Variants in YY1AP1 observed in about 807,000 individuals in gnomAD.
YY1AP1 encodes YY1 associated protein 1.
A neutral mutation model predicts 39.9 loss-of-function variants in YY1AP1; 43 were observed. The observed-to-expected ratio is 1.08, with a 90% CI of 0.84 to 1.39. YY1AP1 has a LOEUF of 1.39. YY1AP1 is among the 40% of genes most tolerant of loss of function. The pLI, the probability that YY1AP1 is intolerant of heterozygous loss-of-function variation, is 0.00. For missense variants in YY1AP1, 813 were observed against 900.7 expected, an observed-to-expected ratio of 0.90 and a Z score of 1.25; for synonymous variants, 292 against 331.3, an observed-to-expected ratio of 0.88 and a Z score of 1.29.
At chr1:155,670,648 G>T in intron 7 of YY1AP1, 184 bp from the exon 8 acceptor site, 3 of 565,072 alleles carry the variant, frequency 5.3e-6, no homozygotes, top group Non-Finnish European at 6.1e-6. Flanking sequence ...TCTAAAGGGA[G>T]TCCCATTCAC....
chr1:155,677,548 A>G (rs959178494), intron 4 of YY1AP1, among the ~76,000 whole-genome samples: 4 of 152,238 alleles, frequency 2.6e-5, no homozygotes, highest in African/African-American at 9.6e-5. Context: ...TGAAGTAGCT[A>G]TAACAAGCAG....
At chr1:155,678,820 G>A (rs749953947) in intron 4 of YY1AP1, among the ~76,000 whole-genome samples, 6 of 152,092 alleles carry the variant, frequency 3.9e-5, no homozygotes, top group Non-Finnish European at 7.3e-5. Context: ...CTGACCTCTC[G>A]CCATCGACCT....
At chr1:155,675,465 T>A (rs1158448270) in intron 5 of YY1AP1, among the ~76,000 whole-genome samples, 5 of 151,846 alleles carry the variant, frequency 3.3e-5, no homozygotes, top group Non-Finnish European at 7.4e-5. Context: ...GTAGCTGGGA[T>A]TACAGGTGCC....
chr1:155,668,163 G>A lies in YY1AP1; in HGVS notation c.879+464C>T, dbSNP rs568673040. Among the ~76,000 whole-genome samples, 6 of 152,018 alleles carry A rather than the reference G, an allele frequency of 3.9e-5. No homozygotes were observed. The South Asian group carries it at 6.2e-4, about 16-fold the overall frequency. On this transcript the variant is annotated intron_variant, in intron 9 of 10. Transcript: ENST00000355499. ...TAAAAATACAAAAAATTAGCTGAGC[G>A]TGGTGGGCACGCCTGTAATCTCAGC... is the stretch of plus-strand genomic sequence containing the variant.
intron 5 of YY1AP1, among the ~76,000 whole-genome samples, chr1:155,675,992 G>C (rs929660856): frequency 6.6e-6 from 1 of 152,270 alleles, no homozygotes; most frequent in Middle Eastern, 3.4e-3. Context: ...GGGAGGCCGA[G>C]GCGGGTGGAT....
intron 4 of YY1AP1, 129 bp downstream of exon 4, chr1:155,679,280 G>A (rs1479964196): frequency 2.6e-6 from 4 of 1,546,286 alleles, no homozygotes; most frequent in Non-Finnish European, 3.5e-6. Context: ...CTCCTGACAG[G>A]ACTCTGCATC....
rs1647916165 is a variant in YY1AP1, at chr1:155,660,559, G to A, written c.1351C>T (p.Pro451Ser). Reference sequence around the variant, plus strand: ...ACAGTGGCTGGCTGTATTGGGTGAGGAATCCGGAGCACCATTTTGCTCGGA... The same window carrying A: ...ACAGTGGCTGGCTGTATTGGGTGAGAAATCCGGAGCACCATTTTGCTCGGA... ...APPSKMVLRI[P>S]HPIQPATVLQ... The change falls in exon 11 of 11, where the codon CCT becomes TCT. Residue 451 changes from proline to serine, a missense_variant. Coordinates refer to ENST00000355499, the MANE Select transcript of YY1AP1 (RefSeq NM_139119.3). 6.2e-7 allele frequency: 1 copy of A among 1,614,070 alleles called. No homozygotes were observed. The highest frequency in any genetic ancestry group is 8.5e-7 in the Non-Finnish European group (1 of 1,180,040).
chr1:155,659,815 G>C lies in YY1AP1; in HGVS notation c.2095C>G (p.Arg699Gly). ...QEGLSENSAY[R>G]WTVVKTEEGR... ...TCCTCTGTTTTCACAACGGTCCAGC[G>C]ATAGGCACTGTTCTCTGACAATCCT... Residue 699 changes from arginine to glycine, a missense_variant, in exon 11 of 11, where the codon CGC (arginine) becomes GGC (glycine). Physicochemically the swap from Arg to Gly is moderately radical, Grantham distance 125. Transcript: ENST00000355499. The C allele has an allele frequency of 1.2e-6, 2 of 1,614,198 alleles. No individual in the cohort carries two copies. Among genetic ancestry groups the C allele is most frequent in the Non-Finnish European group, 1.7e-6 (2 of 1,180,038 alleles).
intron 7 of YY1AP1, 194 bp downstream of exon 7, chr1:155,672,366 G>A (rs1649994703): frequency 2.3e-6 from 2 of 884,054 alleles, no homozygotes; most frequent in Non-Finnish European, 3.6e-6. Context: ...CCTTACCCAG[G>A]CCCGGAGATT....
intron 9 of YY1AP1, among the ~76,000 whole-genome samples, chr1:155,666,886 G>T (rs1649093897): frequency 6.6e-6 from 1 of 152,140 alleles, no homozygotes. Flanking sequence ...TGTAGTCCCA[G>T]CTACTTAGGA....
At chr1:155,671,984 T>C (rs756472127) in intron 7 of YY1AP1, among the ~76,000 whole-genome samples, 8 of 152,154 alleles carry the variant, frequency 5.3e-5, no homozygotes, top group Non-Finnish European at 8.8e-5. Context: ...CTTAAGTAAA[T>C]AGCAAATATT....
intron 7 of YY1AP1, among the ~76,000 whole-genome samples, chr1:155,671,320 A>G (rs1453087545): frequency 6.6e-6 from 1 of 151,890 alleles, no homozygotes; most frequent in African/African-American, 2.4e-5. Context: ...AATTCCAGCT[A>G]CTTGGGAGGC....
chr1:155,685,801 A>G (rs1041322921), intron 2 of YY1AP1, among the ~76,000 whole-genome samples: 1 of 152,092 alleles, frequency 6.6e-6, no homozygotes, highest in African/African-American at 2.4e-5. Flanking sequence ...ATATATATAA[A>G]TCATGTGATT....
At chr1:155,668,581 T>C (rs745801249) in intron 9 of YY1AP1, 46 bp downstream of exon 9, 3 of 1,613,304 alleles carry the variant, frequency 1.9e-6, no homozygotes, top group East Asian at 4.5e-5. Context: ...AAAGAACAGA[T>C]ATGTGTTGGT....
chr1:155,671,199 G>A (rs2149044681), intron 7 of YY1AP1: 1 of 152,200 alleles, frequency 6.6e-6, no homozygotes, highest in African/African-American at 2.4e-5. Flanking sequence ...GGGAGGCCGA[G>A]GCAGGTGGAT....
Position 155,659,721 on chromosome 1 carries a change from T to G in YY1AP1, c.2189A>C (p.Asp730Ala). 6.2e-7 allele frequency: 1 copy of G among 1,614,116 alleles called. No homozygotes were observed. The highest frequency in any genetic ancestry group is 8.5e-7 in the Non-Finnish European group (1 of 1,180,012). Residue 730 changes from aspartate to alanine, a missense_variant, in exon 11 of 11, where the codon GAT (aspartate) becomes GCT (alanine). This residue lies in a region of YY1AP1 where 586 missense variants were observed against 647.4 expected (regional missense o/e 0.91). Transcript: ENST00000355499. ...QESLNNSSPGDLEEVVKMEPE... is the reference protein window; with the variant it reads ...QESLNNSSPGALEEVVKMEPE... ...TTCCATCTTGACAACTTCCTCTAAA[T>G]CCCCAGGGGAAGAGTTGTTTAGAGA...
chr1:155,663,889 G>A (rs1275344004), intron 9 of YY1AP1, among the ~76,000 whole-genome samples: 1 of 151,774 alleles, frequency 6.6e-6, no homozygotes, highest in East Asian at 1.9e-4. Flanking sequence ...AAAGACTCAA[G>A]AGTTAAATGG....
rs762955322 is a variant in YY1AP1 at position 155,660,828 on chromosome 1, A to C, written c.1082T>G (p.Ile361Ser). The change falls in exon 11 of 11, where the codon ATC becomes AGC. Residue 361 changes from isoleucine (I) to serine (S), a missense_variant. Physicochemically the swap from Ile to Ser is moderately radical, Grantham distance 142 (BLOSUM62 -2). Around this residue, in one of 3 missense-constraint regions of YY1AP1, gnomAD observed 586 missense variants for 647.4 expected, o/e 0.91. Coordinates refer to ENST00000355499, the MANE Select transcript of YY1AP1 (RefSeq NM_139119.3). ...TTTTTCTAGGCCTTGATCTGAGTTG[A>C]TCTCAGTGGTTCCAGTCATATTTCC... ...EVGNMTGTTE[I>S]NSDQGLEKDN... 7.6e-5 allele frequency: 123 copies of C among 1,613,978 alleles called. No homozygotes were observed. Among genetic ancestry groups the C allele is most frequent in the Non-Finnish European group, 8.2e-5 (97 of 1,180,030 alleles).
chr1:155,666,047 A>T (rs554259750), intron 9 of YY1AP1, among the ~76,000 whole-genome samples: 2 of 152,308 alleles, frequency 1.3e-5, no homozygotes, highest in South Asian at 4.1e-4. Context: ...ATGATCTGGG[A>T]AACAAAATGT....
Sources: allele counts gnomAD v4.1 joint callset (sites outside exome capture counted in the v4.1 genomes callset), GRCh38; gene constraint gnomAD v4.1.1; regional missense constraint gnomAD v4.1.1; transcripts MANE v1.5; gene names NCBI Gene and HGNC (gene_info 2026-07-23, HGNC 2026-07-21).